The following MNAT1 variants were observed in gnomAD, a reference collection of about 807,000 sequenced individuals.
The protein encoded by MNAT1 is MNAT1 component of CDK activating kinase.
A neutral mutation model predicts 42.0 loss-of-function variants in MNAT1; 43 were observed. The ratio of observed to expected loss-of-function variants is 1.02; its 90% CI spans 0.80 to 1.32. The LOEUF (loss-of-function observed/expected upper bound fraction) is 1.32. Among genes scored for constraint, MNAT1 ranks in the 40% most tolerant of loss-of-function variants. MNAT1 has a pLI of 0.00. For missense variants in MNAT1, 306 were observed against 350.4 expected, an observed-to-expected ratio of 0.87 and a Z score of 1.01; for synonymous variants, 118 against 120.0, an observed-to-expected ratio of 0.98 and a Z score of 0.11.
intron 6 of MNAT1, among the ~76,000 whole-genome samples, chr14:60,865,959 G>T (rs1224966424): frequency 6.6e-6 from 1 of 152,026 alleles, no homozygotes; most frequent in Non-Finnish European, 1.5e-5. Flanking sequence ...GGCTGTTTCA[G>T]CCTTCAGAGG....
chr14:60,776,399 G>A (rs1204237753), intron 1 of MNAT1, among the ~76,000 whole-genome samples: 1 of 151,934 alleles, frequency 6.6e-6, no homozygotes, highest in Admixed American at 6.6e-5. Flanking sequence ...GAGGGTGAGT[G>A]ACTTAAGTGG....
intron 1 of MNAT1, among the ~76,000 whole-genome samples, chr14:60,778,791 G>C (rs191879162): frequency 1.8e-4 from 28 of 152,256 alleles, no homozygotes; most frequent in Admixed American, 1.5e-3. Flanking sequence ...CCTCTACAAG[G>C]ATGGGTTTCA....
intron 6 of MNAT1, among the ~76,000 whole-genome samples, chr14:60,846,628 A>T (rs1022703236): frequency 6.6e-6 from 1 of 152,198 alleles, no homozygotes; most frequent in Non-Finnish European, 1.5e-5. Context: ...ATACATTTTT[A>T]AATTTTTTCT....
At chr14:60,905,049 A>G (rs970949169) in intron 7 of MNAT1, among the ~76,000 whole-genome samples, 3 of 130,706 alleles carry the variant, frequency 2.3e-5, no homozygotes, top group African/African-American at 8.6e-5. Context: ...ATCTTGGCTC[A>G]CTGTTCAGCA....
chr14:60,849,245 A>T (rs757712022), intron 6 of MNAT1, among the ~76,000 whole-genome samples: 1 of 152,152 alleles, frequency 6.6e-6, no homozygotes, highest in Non-Finnish European at 1.5e-5. Context: ...ACAATTATAG[A>T]TTTCTTTGCT....
intron 7 of MNAT1, among the ~76,000 whole-genome samples, chr14:60,938,491 T>G (rs1249639650): frequency 6.6e-6 from 1 of 152,176 alleles, no homozygotes; most frequent in Non-Finnish European, 1.5e-5. Context: ...TAATCATGTG[T>G]TTTTTGTCGT....
chr14:60,914,780 C>G (rs1408952592), intron 7 of MNAT1, among the ~76,000 whole-genome samples: 2 of 152,124 alleles, frequency 1.3e-5, no homozygotes, highest in African/African-American at 4.8e-5. Context: ...AAGTAGTGGT[C>G]AAGATAGGTC....
chr14:60,867,876 GTTTAC>G (rs1258564941), intron 6 of MNAT1, among the ~76,000 whole-genome samples: 4 of 151,934 alleles, frequency 2.6e-5, no homozygotes, highest in African/African-American at 7.3e-5. Context: ...TCTTTTTACT[GTTTAC>G]TTTACATTTT....
At chr14:60,788,064 A>G (rs2031706946) in intron 1 of MNAT1, among the ~76,000 whole-genome samples, 1 of 152,176 alleles carries the variant, frequency 6.6e-6, no homozygotes, top group Non-Finnish European at 1.5e-5. Flanking sequence ...CAGAGGAATC[A>G]TTGTCTGTAG....
chr14:60,947,612 G>A (rs2036305957), intron 7 of MNAT1, among the ~76,000 whole-genome samples: 1 of 152,140 alleles, frequency 6.6e-6, no homozygotes, highest in Non-Finnish European at 1.5e-5. Flanking sequence ...GAACCCGGGA[G>A]GCAGAGGTTG....
At chr14:60,957,102 T>G (rs558386181) in intron 7 of MNAT1, among the ~76,000 whole-genome samples, 1 of 152,346 alleles carries the variant, frequency 6.6e-6, no homozygotes, top group Non-Finnish European at 1.5e-5. Context: ...CTTTGTGATT[T>G]GATGATTTTC....
intron 7 of MNAT1, among the ~76,000 whole-genome samples, chr14:60,932,739 C>A (rs2035915908): frequency 6.6e-6 from 1 of 151,846 alleles, no homozygotes. Context: ...TATTTCTTAT[C>A]CTGTGCTCTA....
At chr14:60,797,957 C>T (rs911176884) in intron 2 of MNAT1, 130 bp from the exon 3 acceptor site, 95 of 495,890 alleles carry the variant, frequency 1.9e-4, no homozygotes, top group Middle Eastern at 5.7e-4. Flanking sequence ...AAATAGAGAA[C>T]GATGTTTTAC....
chr14:60,741,146 G>A (rs1460540200), intron 1 of MNAT1, among the ~76,000 whole-genome samples: 1 of 152,064 alleles, frequency 6.6e-6, no homozygotes, highest in African/African-American at 2.4e-5. Context: ...GATTCTGTCT[G>A]ATAATAATTT....
intron 7 of MNAT1, among the ~76,000 whole-genome samples, chr14:60,911,427 T>C (rs981200668): frequency 3.9e-5 from 6 of 152,204 alleles, no homozygotes; most frequent in Non-Finnish European, 8.8e-5. Context: ...GGGTGTCAAT[T>C]TTAGATCTTT....
At chr14:60,782,745 A>G (rs762493434) in intron 1 of MNAT1, among the ~76,000 whole-genome samples, 11 of 152,210 alleles carry the variant, frequency 7.2e-5, no homozygotes, top group Non-Finnish European at 1.6e-4. Flanking sequence ...AAGGAAACAG[A>G]GGCACAGAGA....
At chr14:60,866,516 G>A (rs1032211686) in intron 6 of MNAT1, among the ~76,000 whole-genome samples, 2 of 151,908 alleles carry the variant, frequency 1.3e-5, no homozygotes, top group African/African-American at 2.4e-5. Context: ...GCATTTTTCA[G>A]GGAGGGAAAA....
intron 6 of MNAT1, among the ~76,000 whole-genome samples, chr14:60,827,004 C>T (rs907024391): frequency 1.3e-5 from 2 of 151,980 alleles, no homozygotes; most frequent in African/African-American, 2.4e-5. Flanking sequence ...TGAGATTCTA[C>T]GGCTGAGGAT....
chr14:60,939,187 C>T (rs2036079356), intron 7 of MNAT1, among the ~76,000 whole-genome samples: 2 of 152,148 alleles, frequency 1.3e-5, no homozygotes, highest in African/African-American at 4.8e-5. Flanking sequence ...AAACCAGCTC[C>T]TGGATTCATT....
Sources: allele counts gnomAD v4.1 joint callset (sites outside exome capture counted in the v4.1 genomes callset), GRCh38; gene constraint gnomAD v4.1.1; transcripts MANE v1.5; gene names NCBI Gene and HGNC (gene_info 2026-07-23, HGNC 2026-07-21).